The following ABCB11 variants were observed in gnomAD, a reference collection of about 807,000 sequenced individuals.
The protein encoded by ABCB11 is bile salt export pump.
In ABCB11, 95 loss-of-function variants were observed where a neutral mutation model predicts 148.0. The ratio of observed to expected loss-of-function variants is 0.64; its 90% CI spans 0.54 to 0.76. ABCB11 has a LOEUF of 0.76. Among genes scored for constraint, ABCB11 ranks in the 30% least tolerant of loss-of-function variants. The probability of loss-of-function intolerance (pLI) is 0.00; values close to 1 mark genes in which losing one functional copy is unlikely to be tolerated. For missense variants in ABCB11, 1,523 were observed against 1,617.8 expected (o/e 0.94, Z 1.01); for synonymous variants, 591 against 555.4 (o/e 1.06, Z -0.90).
intron 5 of ABCB11, among the ~76,000 whole-genome samples, chr2:169,002,321 A>C (rs555512761): frequency 3.9e-4 from 59 of 152,294 alleles, no homozygotes; most frequent in African/African-American, 1.4e-3. Context: ...AAGAATGTGG[A>C]AAAAAGGGAA....
chr2:168,994,118 G>C (rs1156881746), intron 7 of ABCB11, among the ~76,000 whole-genome samples: 1 of 152,030 alleles, frequency 6.6e-6, no homozygotes, highest in African/African-American at 2.4e-5. Flanking sequence ...CTGGTACTCA[G>C]TGTTGATAAA....
chr2:168,917,280 T>C (rs745834452), downstream of ABCB11, among the ~76,000 whole-genome samples: 1 of 152,186 alleles, frequency 6.6e-6, no homozygotes, highest in Non-Finnish European at 1.5e-5. Flanking sequence ...ATCTCTTTCA[T>C]GCAATTTTGA....
intron 7 of ABCB11, 79 bp from the exon 8 acceptor site, chr2:168,993,961 T>A: frequency 1.7e-6 from 2 of 1,211,164 alleles, no homozygotes; most frequent in Non-Finnish European, 2.3e-6. Flanking sequence ...AGTCTTTCCC[T>A]TTTAAACATT....
chr2:168,960,165 T>A (rs1693005871), intron 18 of ABCB11, among the ~76,000 whole-genome samples: 3 of 151,646 alleles, frequency 2.0e-5, no homozygotes, highest in Admixed American at 2.0e-4. Context: ...GTCACGAGAA[T>A]TCCAATTTAG....
At chr2:169,006,240 C>T (rs370862904) in intron 5 of ABCB11, among the ~76,000 whole-genome samples, 1 of 152,066 alleles carries the variant, frequency 6.6e-6, no homozygotes, top group African/African-American at 2.4e-5. Flanking sequence ...GGTAATTGAA[C>T]ATATGAATAT....
intron 10 of ABCB11, among the ~76,000 whole-genome samples, chr2:168,982,783 C>CGAGA (rs989246756): frequency 1.3e-5 from 2 of 148,904 alleles, no homozygotes; most frequent in Admixed American, 6.7e-5. Context: ...AGAGAGCGAG[C>CGAGA]GAGAGAGAGA....
intron 1 of ABCB11, among the ~76,000 whole-genome samples, chr2:169,021,911 T>C (rs1695552546): frequency 6.6e-6 from 1 of 152,038 alleles, no homozygotes; most frequent in African/African-American, 2.4e-5. Context: ...TTTCTCTATA[T>C]TGTTGTTATT....
intron 16 of ABCB11, among the ~76,000 whole-genome samples, chr2:168,969,125 A>AG (rs1228453359): frequency 6.7e-6 from 1 of 148,856 alleles, no homozygotes; most frequent in African/African-American, 2.5e-5. Flanking sequence ...TTAAAAAAAA[A>AG]AAAAAAGGGG....
chr2:168,952,768 C>A (rs1481866848), intron 19 of ABCB11, among the ~76,000 whole-genome samples: 5 of 123,968 alleles, frequency 4.0e-5, no homozygotes, highest in African/African-American at 1.5e-4. Flanking sequence ...TTGGTTTGTT[C>A]TTTTTCTAGT....
intron 6 of ABCB11, 70 bp from the exon 7 acceptor site, chr2:168,995,552 AAAGTAC>A: frequency 2.0e-6 from 3 of 1,519,992 alleles, no homozygotes; most frequent in Non-Finnish European, 2.7e-6. Flanking sequence ...TTTTCAGAAG[AAAGTAC>A]TTTCAATACA....
chr2:168,998,113 T>G (rs902712627), intron 5 of ABCB11, among the ~76,000 whole-genome samples: 1 of 152,044 alleles, frequency 6.6e-6, no homozygotes, highest in Non-Finnish European at 1.5e-5. Context: ...TCAGAGGCTC[T>G]TATAAAAGCT....
chr2:168,941,351 G>T (rs1692052627), intron 21 of ABCB11, among the ~76,000 whole-genome samples: 2 of 151,912 alleles, frequency 1.3e-5, no homozygotes, highest in Non-Finnish European at 1.5e-5. Context: ...ATGGGAGGAG[G>T]TCAGAATATC....
At chr2:168,967,618 G>A (rs1378208962) in intron 17 of ABCB11, among the ~76,000 whole-genome samples, 1 of 151,764 alleles carries the variant, frequency 6.6e-6, no homozygotes, top group African/African-American at 2.4e-5. Context: ...TGCATTAAAT[G>A]TCCTAGAAAT....
chr2:168,970,396 T>C (rs1693534051), intron 14 of ABCB11, 181 bp from the exon 15 acceptor site: 1 of 1,472,692 alleles, frequency 6.8e-7, no homozygotes, highest in South Asian at 1.2e-5. Flanking sequence ...TATTTATGTG[T>C]GAAATAAAGG....
At chr2:168,968,734 G>A (rs1426703020) in intron 16 of ABCB11, among the ~76,000 whole-genome samples, 1 of 99,252 alleles carries the variant, frequency 1.0e-5, no homozygotes, top group East Asian at 4.0e-4. Flanking sequence ...TACAGAAACA[G>A]GTATTTTTTT....
intron 21 of ABCB11, among the ~76,000 whole-genome samples, chr2:168,943,440 A>G (rs1402114419): frequency 1.3e-5 from 2 of 152,036 alleles, no homozygotes; most frequent in Non-Finnish European, 2.9e-5. Context: ...CTAGGGGAAA[A>G]ACGTAACTAG....
chr2:168,964,343 T>A (rs1238366481), intron 17 of ABCB11, 35 bp from the exon 18 acceptor site: 2 of 1,500,906 alleles, frequency 1.3e-6, no homozygotes, highest in Admixed American at 3.9e-5. Context: ...CAGTGTAGAC[T>A]GTGGCCAGAT....
Position 168,935,389 on chromosome 2 carries a change from C to T in ABCB11, c.2851G>A (p.Ala951Thr). The change falls in exon 23 of 28, where the codon GCT (alanine) becomes ACT (threonine). Residue 951 changes from alanine to threonine, a missense_variant. Physicochemically the swap from Ala to Thr is moderately conservative, Grantham distance 58. Transcript: ENST00000650372. ...AACCGCCTCTCCTTTCCAATTCCAG[C>T]AACAGTGCGGATGTTACTGAGGGCT... ...NEALSNIRTV[A>T]GIGKERRFIE... 1 of 1,613,966 alleles carries T rather than the reference C, an allele frequency of 6.2e-7. No homozygotes were observed. Among genetic ancestry groups the T allele is most frequent in the Non-Finnish European group, 8.5e-7 (1 of 1,179,864 alleles).
At chr2:168,986,436 A>T (rs1369311306) in intron 9 of ABCB11, among the ~76,000 whole-genome samples, 152 bp from the exon 10 acceptor site, 3 of 152,106 alleles carry the variant, frequency 2.0e-5, no homozygotes, top group Non-Finnish European at 4.4e-5. Flanking sequence ...AATAACCTTT[A>T]TGTAGTTTTT....
Sources: gnomAD v4.1 joint callset for allele counts (sites outside exome capture counted in the v4.1 genomes callset) on GRCh38, gnomAD v4.1.1 for gene constraint, MANE v1.5 for transcripts, NCBI Gene and HGNC (gene_info 2026-07-23, HGNC 2026-07-21) for gene names.